The following SAMMSON variants were observed in gnomAD, a reference collection of about 807,000 sequenced individuals.
SAMMSON encodes long intergenic non-protein coding RNA 1212.
chr3:70,330,522 G>T (rs1575627080), intron 7 of SAMMSON, among the ~76,000 whole-genome samples: 1 of 151,898 alleles, frequency 6.6e-6, no homozygotes, highest in East Asian at 1.9e-4. Context: ...AGAAAATAAT[G>T]GAAGGAGAGG....
At chr3:70,433,232 G>T (rs1701430062) in intron 2 of SAMMSON, among the ~76,000 whole-genome samples, 1 of 152,124 alleles carries the variant, frequency 6.6e-6, no homozygotes, top group Non-Finnish European at 1.5e-5. Context: ...GTAAGAAGTT[G>T]CTAAGCTGTC....
intron 6 of SAMMSON, among the ~76,000 whole-genome samples, chr3:70,277,342 A>T (rs1702037665): frequency 6.6e-6 from 1 of 152,130 alleles, no homozygotes; most frequent in Admixed American, 6.6e-5. Context: ...TGTAAACGGA[A>T]ATATCTGTTA....
chr3:70,244,179 A>G (rs768334301), intron 4 of SAMMSON, among the ~76,000 whole-genome samples: 1 of 152,120 alleles, frequency 6.6e-6, no homozygotes, highest in Admixed American at 6.6e-5. Flanking sequence ...CCACCTAATA[A>G]TTGCTGAGGA....
intron 6 of SAMMSON, among the ~76,000 whole-genome samples, chr3:70,260,386 A>C (rs373878782): frequency 1.3e-5 from 2 of 152,250 alleles, no homozygotes; most frequent in East Asian, 3.9e-4. Context: ...TTAGCTAATT[A>C]CATCTGCAAC....
intron 9 of SAMMSON, among the ~76,000 whole-genome samples, chr3:70,388,466 C>A (rs1701005582): frequency 6.6e-6 from 1 of 151,986 alleles, no homozygotes; most frequent in Non-Finnish European, 1.5e-5. Context: ...TTAAGAAAAA[C>A]TGTGATAAAT....
chr3:70,043,112 G>A (rs2067111800), intron 3 of SAMMSON, among the ~76,000 whole-genome samples: 1 of 152,090 alleles, frequency 6.6e-6, no homozygotes, highest in Non-Finnish European at 1.5e-5. Flanking sequence ...CATATCAAAA[G>A]TAATGAGTTT....
chr3:70,271,593 C>T (rs1251492169), intron 6 of SAMMSON, among the ~76,000 whole-genome samples: 2 of 152,176 alleles, frequency 1.3e-5, no homozygotes, highest in African/African-American at 4.8e-5. Flanking sequence ...TCTGGTTGGT[C>T]CATTACTTTC....
At chr3:70,346,669 G>A (rs1702753033) in intron 7 of SAMMSON, among the ~76,000 whole-genome samples, 1 of 152,078 alleles carries the variant, frequency 6.6e-6, no homozygotes, top group African/African-American at 2.4e-5. Flanking sequence ...TTCTGAGTTG[G>A]TCTAGGTTCT....
At chr3:70,025,772 C>A (rs958156496) in intron 3 of SAMMSON, among the ~76,000 whole-genome samples, 3 of 151,940 alleles carry the variant, frequency 2.0e-5, no homozygotes, top group African/African-American at 7.3e-5. Context: ...TCTGTTAATA[C>A]GTATTTTGTA....
downstream of SAMMSON, among the ~76,000 whole-genome samples, chr3:70,394,739 C>T (rs1054307757): frequency 6.6e-6 from 1 of 152,062 alleles, no homozygotes; most frequent in Admixed American, 6.6e-5. Context: ...CGTAAAATCA[C>T]GTCCAAACTT....
rs71626390 is a variant in SAMMSON, at chr3:70,163,354, TAG to T, written n.508-85732_508-85731del. On this transcript the variant is annotated intron_variant and non_coding_transcript_variant, in intron 4 of 9. Coordinates refer to ENST00000642114, the Ensembl canonical transcript of SAMMSON. ...TCCATCTATATAGAATATATATATA[TAG>T]AGAGAGAGAGAGAGAGAGAGTTATC... Among the ~76,000 whole-genome samples, 723 of 147,864 alleles carry T rather than the reference TAG, an allele frequency of 4.9e-3. 7 individuals carry two copies. The highest frequency in any genetic ancestry group is 0.012 in the South Asian group (57 of 4,710).
chr3:70,188,963 G>A (rs1289515832), intron 4 of SAMMSON, among the ~76,000 whole-genome samples: 1 of 152,158 alleles, frequency 6.6e-6, no homozygotes, highest in Admixed American at 6.5e-5. Context: ...TCTGGAGCAG[G>A]AGTCTCCTAA....
At chr3:70,279,751 A>G (rs1279011543) in intron 6 of SAMMSON, among the ~76,000 whole-genome samples, 1 of 152,176 alleles carries the variant, frequency 6.6e-6, no homozygotes, top group Non-Finnish European at 1.5e-5. Context: ...GCTGGATGGC[A>G]TAAATGCCAT....
At chr3:70,183,181 G>T (rs144237928) in intron 4 of SAMMSON, among the ~76,000 whole-genome samples, 1 of 152,270 alleles carries the variant, frequency 6.6e-6, no homozygotes, top group African/African-American at 2.4e-5. Context: ...CCACGTTTCA[G>T]CAGAGGAAAC....
At chr3:70,114,486 A>C (rs1050151870) in intron 4 of SAMMSON, among the ~76,000 whole-genome samples, 2 of 152,234 alleles carry the variant, frequency 1.3e-5, no homozygotes, top group Non-Finnish European at 2.9e-5. Flanking sequence ...CACACCACTC[A>C]AAGGCATTTT....
chr3:70,159,028 A>T (rs1009384054), intron 4 of SAMMSON, among the ~76,000 whole-genome samples: 13 of 152,014 alleles, frequency 8.6e-5, no homozygotes, highest in East Asian at 7.7e-4. Context: ...TATACTTTTT[A>T]AAAAATTGAC....
At chr3:70,400,360 A>T (rs1334329825) in intron 2 of SAMMSON, among the ~76,000 whole-genome samples, 1 of 152,116 alleles carries the variant, frequency 6.6e-6, no homozygotes, top group Non-Finnish European at 1.5e-5. Context: ...AGGGTGAGTG[A>T]GTTCTTGCTC....
intron 9 of SAMMSON, among the ~76,000 whole-genome samples, chr3:70,363,728 C>T (rs1027654294): frequency 1.4e-4 from 22 of 151,726 alleles, no homozygotes; most frequent in African/African-American, 4.8e-4. Context: ...ATGTCCGTTT[C>T]CATGACCCTC....
intron 9 of SAMMSON, among the ~76,000 whole-genome samples, chr3:70,360,425 C>T (rs1345033744): frequency 6.6e-6 from 1 of 152,080 alleles, no homozygotes; most frequent in African/African-American, 2.4e-5. Context: ...ACAAGTAAGT[C>T]ACTTTTCCTA....
Sources: allele counts gnomAD v4.1 joint callset (sites outside exome capture counted in the v4.1 genomes callset), GRCh38; gene constraint gnomAD v4.1.1; transcripts MANE v1.5; gene names NCBI Gene and HGNC (gene_info 2026-07-23, HGNC 2026-07-21).